Variants in KATNAL2 observed in about 807,000 individuals in gnomAD.
KATNAL2 encodes katanin p60 ATPase-containing subunit A-like 2.
In KATNAL2, 52 loss-of-function variants were observed where a neutral mutation model predicts 76.3. The observed-to-expected ratio is 0.68, with a 90% CI of 0.55 to 0.86. The LOEUF (loss-of-function observed/expected upper bound fraction) is 0.86, where lower values mean the gene tolerates loss of function less well. Ranked by LOEUF, KATNAL2 falls within the 40% of genes least tolerant of loss-of-function variation. KATNAL2 has a pLI of 0.00. For synonymous variants in KATNAL2, 243 were observed against 244.2 expected, an observed-to-expected ratio of 1.00 and a Z score of 0.05; for missense variants, 660 against 668.9, an observed-to-expected ratio of 0.99 and a Z score of 0.15.
chr18:47,033,449 CCCT>C, intron 3 of KATNAL2: 1 of 1,613,924 alleles, frequency 6.2e-7, no homozygotes, highest in Non-Finnish European at 8.5e-7. Flanking sequence ...AGGTACTGCT[CCCT>C]CCAAGTTTTG....
At position 47,099,301 on chromosome 18, in the gene KATNAL2, A is replaced by T. The variant is rs373459632; in HGVS notation, c.1270A>T (p.Ser424Cys). 5 of 1,614,040 alleles carry T rather than the reference A, an allele frequency of 3.1e-6. No individual in the cohort carries two copies. The highest frequency in any genetic ancestry group is 1.3e-5 in the African/African-American group (1 of 74,940). ...LEKRILVDLP[S>C]REARQAMIYH... ...GAAGAGGATTCTGGTCGATCTCCCCAGCCGGGAGGCCAGGCAGGCCATGAT... is the reference window on the plus strand; with the variant it reads ...GAAGAGGATTCTGGTCGATCTCCCCTGCCGGGAGGCCAGGCAGGCCATGAT... Residue 424 changes from serine (S) to cysteine (C), a missense_variant, in exon 16 of 18, where the codon AGC becomes TGC. Ser to Cys is a moderately radical substitution (Grantham distance 112, BLOSUM62 -1). Transcript: ENST00000683218.
chr18:46,949,356 G>C (rs1448529542), intron 3 of KATNAL2, among the ~76,000 whole-genome samples: 1 of 152,082 alleles, frequency 6.6e-6, no homozygotes, highest in Non-Finnish European at 1.5e-5. Context: ...AGGCTCAGGT[G>C]ATTCCCCCAC....
chr18:47,077,721 A>T (rs1029129886), intron 15 of KATNAL2, among the ~76,000 whole-genome samples: 3 of 152,200 alleles, frequency 2.0e-5, no homozygotes, highest in Admixed American at 6.5e-5. Flanking sequence ...CAAATTACAT[A>T]GTTTGTTTAA....
chr18:46,946,532 A>G lies in KATNAL2; in HGVS notation c.-34A>G, dbSNP rs2059384777. 2.0e-6 allele frequency: 2 copies of G among 985,362 alleles called. No individual in the cohort carries two copies. Among genetic ancestry groups the G allele is most frequent in the Admixed American group, 6.1e-5 (1 of 16,276 alleles). The allele number at this position is 985,362 out of a possible 1,614,324, so 61.0% of individuals were successfully genotyped here. On this transcript the variant is annotated 5_prime_UTR_variant, in exon 2 of 18. Coordinates refer to ENST00000683218, the MANE Select transcript of KATNAL2 (RefSeq NM_001387690.1). ...AAGACCTGAACAACGGCTGAAATCA[A>G]GGACAAATATTATGGTACATGGCCC...
chr18:46,928,910 C>G (rs986801557), intron 1 of KATNAL2, among the ~76,000 whole-genome samples: 12 of 152,208 alleles, frequency 7.9e-5, no homozygotes, highest in African/African-American at 2.6e-4. Context: ...ATTTTCCTGC[C>G]TCAGCCTCCT....
intron 3 of KATNAL2, among the ~76,000 whole-genome samples, chr18:47,041,939 TC>T (rs2060979232): frequency 6.6e-6 from 1 of 152,248 alleles, no homozygotes; most frequent in Non-Finnish European, 1.5e-5. Context: ...GTTTTAACTT[TC>T]CATTCCTTGA....
Position 46,953,140 on chromosome 18 carries a change from C to T in KATNAL2, c.51+6217C>T, listed in dbSNP as rs112023514. On this transcript the variant is annotated intron_variant, in intron 3 of 17. Coordinates refer to ENST00000683218, the MANE Select transcript of KATNAL2 (RefSeq NM_001387690.1). Reference sequence around the variant, plus strand: ...CGATCTCCTGACCTCGTCATCTGCCCGCCTCAGCTTCCCAAAGTGCTGGGA... The same window carrying T: ...CGATCTCCTGACCTCGTCATCTGCCTGCCTCAGCTTCCCAAAGTGCTGGGA... Among the ~76,000 whole-genome samples, 570 of 151,484 alleles carry T rather than the reference C, an allele frequency of 3.8e-3. 8 individuals are homozygous for T. The highest frequency in any genetic ancestry group is 0.013 in the African/African-American group (545 of 41,284).
intron 3 of KATNAL2, chr18:47,034,335 GT>G: frequency 1.2e-6 from 2 of 1,613,210 alleles, no homozygotes; most frequent in Non-Finnish European, 1.7e-6. Flanking sequence ...TCGAGTGACT[GT>G]GCTGAGGCCT....
intron 12 of KATNAL2, 48 bp from the exon 13 acceptor site, chr18:47,069,434 G>A: frequency 1.4e-6 from 2 of 1,463,170 alleles, no homozygotes; most frequent in South Asian, 1.2e-5. Flanking sequence ...CTATAAGCAG[G>A]GGGATGGAGT....
At chr18:46,954,323 C>G (rs1429505386) in intron 3 of KATNAL2, among the ~76,000 whole-genome samples, 1 of 144,668 alleles carries the variant, frequency 6.9e-6, no homozygotes, top group African/African-American at 2.5e-5. Flanking sequence ...TCTTCTTCTT[C>G]GTCTTTTTTT....
intron 6 of KATNAL2, among the ~76,000 whole-genome samples, chr18:47,057,151 C>T (rs1193013672): frequency 6.6e-6 from 1 of 152,146 alleles, no homozygotes; most frequent in Non-Finnish European, 1.5e-5. Flanking sequence ...TAGACATGAA[C>T]ATTTATTATC....
At chr18:46,933,515 C>T (rs1049814708) in intron 1 of KATNAL2, among the ~76,000 whole-genome samples, 2 of 152,228 alleles carry the variant, frequency 1.3e-5, no homozygotes, top group South Asian at 2.1e-4. Context: ...ATCAGGAAAT[C>T]TGAAACCCAG....
intron 3 of KATNAL2, among the ~76,000 whole-genome samples, chr18:46,961,770 G>T (rs898753619): frequency 6.6e-6 from 1 of 152,120 alleles, no homozygotes; most frequent in Non-Finnish European, 1.5e-5. Context: ...AATAGTCCAA[G>T]GCCAGTCTAT....
intron 3 of KATNAL2, among the ~76,000 whole-genome samples, chr18:46,957,050 A>AG (rs1231343952): frequency 6.6e-6 from 1 of 151,452 alleles, no homozygotes; most frequent in African/African-American, 2.4e-5. Context: ...AAAAAAAAAA[A>AG]AAAAGAAAAA....
intron 13 of KATNAL2, among the ~76,000 whole-genome samples, chr18:47,070,093 CTTTCTTTTTTTTTTTTTTTT>C (rs1255966091): frequency 9.6e-6 from 1 of 104,388 alleles, no homozygotes; most frequent in Non-Finnish European, 2.3e-5. Context: ...AGATTTTTTG[CTTTCTTTTTTTTTTTTTTTT>C]TAGACGAAGT....
At chr18:47,031,513 G>A (rs2576051) in intron 3 of KATNAL2, among the ~76,000 whole-genome samples, 67,486 of 151,484 alleles carry the variant, frequency 0.45, 15,491 homozygotes, top group East Asian at 0.65. Context: ...GGGGATTCGG[G>A]TGTTAAGCCT....
intron 3 of KATNAL2, among the ~76,000 whole-genome samples, chr18:47,042,536 A>G (rs1187277764): frequency 6.6e-6 from 1 of 152,214 alleles, no homozygotes; most frequent in African/African-American, 2.4e-5. Context: ...AAATCATAAG[A>G]TAATACTCTA....
At chr18:47,035,386 T>A in intron 3 of KATNAL2, 5 of 1,536,720 alleles carry the variant, frequency 3.3e-6, no homozygotes, top group Non-Finnish European at 2.6e-6. Context: ...GACCTCGGGA[T>A]GTGGAGTCAC....
chr18:47,057,702 C>T (rs1268878127), intron 6 of KATNAL2, among the ~76,000 whole-genome samples: 2 of 152,138 alleles, frequency 1.3e-5, no homozygotes, highest in Non-Finnish European at 2.9e-5. Flanking sequence ...GTTTGTTTTC[C>T]TTCTGCAATC....
Sources: gnomAD v4.1 joint callset for allele counts (sites outside exome capture counted in the v4.1 genomes callset) on GRCh38, gnomAD v4.1.1 for gene constraint, MANE v1.5 for transcripts, NCBI Gene and HGNC (gene_info 2026-07-23, HGNC 2026-07-21) for gene names.